NAPA: variants seen among roughly 807,000 people sequenced by gnomAD.
NAPA encodes the protein NSF attachment protein alpha, also known as alpha-soluble NSF attachment protein.
Under a neutral mutation model 48.0 loss-of-function variants are expected in NAPA, and 18 were observed. The observed-to-expected ratio is 0.38, with a 90% CI of 0.26 to 0.56. NAPA has a LOEUF of 0.56. Ranked by LOEUF, NAPA falls within the 20% of genes least tolerant of loss-of-function variation. The pLI is 0.77. For synonymous variants in NAPA, 152 were observed against 149.9 expected (o/e 1.01, Z -0.10); for missense variants, 315 against 385.0 (o/e 0.82, Z 1.52).
intron 2 of NAPA, 115 bp from the exon 3 acceptor site, chr19:47,500,864 C>G (rs1350504989): frequency 5.4e-6 from 4 of 734,908 alleles, no homozygotes; most frequent in Non-Finnish European, 4.3e-6. Context: ...AAAGAGTCCC[C>G]AAGACAGGAC....
rs775031105 is a variant in NAPA, at chr19:47,503,409, C to T, written c.178+14G>A. The T allele has an allele frequency of 1.6e-5, 25 of 1,609,776 alleles. No individual in the cohort carries two copies. Among genetic ancestry groups the T allele is most frequent in the Non-Finnish European group, 1.7e-5 (20 of 1,176,104 alleles). Reference sequence around the variant, plus strand: ...GGAGAGCACCTTGGAGGAGCTCTAGCGGAGATGACATACCACTCCAGTTTT... The same window carrying T: ...GGAGAGCACCTTGGAGGAGCTCTAGTGGAGATGACATACCACTCCAGTTTT... On this transcript the variant is annotated intron_variant, in intron 2 of 10. Coordinates refer to ENST00000263354, the MANE Select transcript of NAPA (RefSeq NM_003827.4).
At chr19:47,495,648 C>T in intron 3 of NAPA, 52 bp from the exon 4 acceptor site, 1 of 1,590,950 alleles carries the variant, frequency 6.3e-7, no homozygotes. Context: ...GTCGTTTCAG[C>T]AGAAGCTGAG....
intron 9 of NAPA, 113 bp downstream of exon 9, chr19:47,490,675 C>CAAAAA: frequency 1.1e-6 from 1 of 890,938 alleles, no homozygotes; most frequent in South Asian, 1.7e-5. Context: ...CAAAACAAAA[C>CAAAAA]AAAGACACCC....
chr19:47,500,813 G>A, intron 2 of NAPA, 64 bp from the exon 3 acceptor site: 1 of 1,292,232 alleles, frequency 7.7e-7, no homozygotes, highest in Non-Finnish European at 1.1e-6. Context: ...AAGCCACAGA[G>A]ACACTGCCCT....
chr19:47,510,218 T>C (rs1217366480), intron 1 of NAPA, among the ~76,000 whole-genome samples: 1 of 152,194 alleles, frequency 6.6e-6, no homozygotes, highest in Non-Finnish European at 1.5e-5. Flanking sequence ...TGGAAGCTCG[T>C]GCCCACACCA....
chr19:47,487,323 G>A (rs1166616152), downstream of NAPA, among the ~76,000 whole-genome samples: 3 of 152,174 alleles, frequency 2.0e-5, no homozygotes, highest in South Asian at 4.1e-4. Flanking sequence ...CGTCACATTC[G>A]ACCCTCCCAC....
intron 1 of NAPA, among the ~76,000 whole-genome samples, chr19:47,514,117 G>C (rs1332977031): frequency 6.6e-6 from 1 of 151,880 alleles, no homozygotes; most frequent in Non-Finnish European, 1.5e-5. Flanking sequence ...CCAAAGTGCT[G>C]AGACCTCCAC....
chr19:47,513,404 G>A (rs1968841889), intron 1 of NAPA, among the ~76,000 whole-genome samples: 1 of 152,118 alleles, frequency 6.6e-6, no homozygotes, highest in African/African-American at 2.4e-5. Context: ...GTAACTCCAC[G>A]CCAGGCTCAA....
At chr19:47,499,552 T>G (rs1458614256) in intron 3 of NAPA, among the ~76,000 whole-genome samples, 1 of 152,228 alleles carries the variant, frequency 6.6e-6, no homozygotes, top group Admixed American at 6.5e-5. Context: ...GTTACAAGGC[T>G]GCTCCTCGGC....
rs747574639 is a variant in NAPA at position 47,489,803 on chromosome 19, C to G, written c.736-42G>C. On this transcript the variant is annotated intron_variant, in intron 9 of 10. Transcript: ENST00000263354. ...GAGAGGGGTCAGGGGCCTATGCTGA[C>G]CTGAGGTCTGGCCTGGATTAGATGA... The G allele has an allele frequency of 3.7e-6, 6 of 1,610,456 alleles. No individual in the cohort carries two copies. The South Asian group carries it at 6.6e-5, about 18-fold the overall frequency.
In NAPA at chr19:47,492,952, T is replaced by C. The variant is rs778840659; in HGVS notation, c.561+9A>G. On this transcript the variant is annotated intron_variant, in intron 7 of 10. Transcript: ENST00000263354. ...CAGGGTGGAAGCCGCCATCCCCACC[T>C]GTCCCCACCTGTTCGTAGATGTCAA... The C allele has an allele frequency of 3.1e-6, 5 of 1,613,838 alleles. No individual in the cohort carries two copies. The highest frequency in any genetic ancestry group is 4.2e-6 in the Non-Finnish European group (5 of 1,179,878).
At position 47,493,176 on chromosome 19, in the gene NAPA, TG is replaced by T; in HGVS notation, c.421-3del. The stretch of plus-strand genomic sequence containing the variant: ...AGACTGCTCGTAGTGGGCAATGGCC[TG>T]GGGAGACACGGGGGATGGGTTCCAG... On this transcript the variant is annotated splice_polypyrimidine_tract_variant and splice_region_variant and intron_variant, in intron 5 of 10. Coordinates refer to ENST00000263354, the MANE Select transcript of NAPA (RefSeq NM_003827.4). The surrounding 1 kb of genome is among the most constrained non-coding windows in gnomAD (Gnocchi z 6.4). 1.3e-6 allele frequency: 2 copies of T among 1,585,544 alleles called. No individual in the cohort carries two copies. The highest frequency in any genetic ancestry group is 1.7e-6 in the Non-Finnish European group (2 of 1,163,270).
In NAPA at chr19:47,490,589, G is replaced by A. The variant is rs1174887067; in HGVS notation, c.735+199C>T. 3.3e-5 allele frequency among the ~76,000 whole-genome samples: 5 copies of A among 151,888 alleles called. No homozygotes were observed. The East Asian group carries it at 9.6e-4, about 29-fold the overall frequency. ...GTGTGTGTCCACCTAGCCATCCTGAGCTCCAGCACTCCCCGAGTTGTACTT... is the reference window on the plus strand; with the variant it reads ...GTGTGTGTCCACCTAGCCATCCTGAACTCCAGCACTCCCCGAGTTGTACTT... On this transcript the variant is annotated intron_variant, in intron 9 of 10. Transcript: ENST00000263354.
At position 47,493,385 on chromosome 19, in the gene NAPA, C is replaced by T. The variant is rs200965224; in HGVS notation, c.420+31G>A. The T allele has an allele frequency of 1.2e-4, 187 of 1,609,856 alleles. No individual in the cohort carries two copies. In the African/African-American group the frequency reaches 2.3e-3, roughly 20 times the overall value. On this transcript the variant is annotated intron_variant, in intron 5 of 10. Coordinates refer to ENST00000263354, the MANE Select transcript of NAPA (RefSeq NM_003827.4). The surrounding 1 kb of genome is among the most constrained non-coding windows in gnomAD (Gnocchi z 6.4). Reference sequence around the variant, plus strand: ...GAGAGAGCAGCACTGGTCCTGGCTGCCAGCCCATGCAGGGCCCTGCTGCCA... The same window carrying T: ...GAGAGAGCAGCACTGGTCCTGGCTGTCAGCCCATGCAGGGCCCTGCTGCCA...
At chr19:47,510,431 A>C (rs1220245284) in intron 1 of NAPA, among the ~76,000 whole-genome samples, 1 of 152,208 alleles carries the variant, frequency 6.6e-6, no homozygotes, top group African/African-American at 2.4e-5. Context: ...ACCTACTAAT[A>C]AAGATGACAG....
At chr19:47,490,160 TGTGG>T in intron 9 of NAPA, among the ~76,000 whole-genome samples, 1 of 148,056 alleles carries the variant, frequency 6.8e-6, no homozygotes, top group East Asian at 2.0e-4. Context: ...TCGGTGTGTG[TGTGG>T]GGTGTGTGTG....
Position 47,489,758 on chromosome 19 carries a change from A to G in NAPA, c.739T>C (p.Leu247=), listed in dbSNP as rs777775272. Residue 247 remains leucine, a synonymous_variant, in exon 10 of 11, where the codon TTG becomes CTG. Coordinates refer to ENST00000263354, the MANE Select transcript of NAPA (RefSeq NM_003827.4). ...TTCTGCTCCTCGTGGGCCTCTAGCA[A>G]TTTCTGCAAGCAAATGGCAGAGAGG... ...DSRECKLMKK[L]LEAHEEQNVD... is the part of the protein sequence containing the mutation. 6 of 1,614,002 alleles carry G rather than the reference A, an allele frequency of 3.7e-6. No individual in the cohort carries two copies. The highest frequency in any genetic ancestry group is 1.7e-5 in the Admixed American group (1 of 60,010).
intron 2 of NAPA, 46 bp from the exon 3 acceptor site, chr19:47,500,795 A>G (rs1968558307): frequency 2.1e-6 from 3 of 1,442,998 alleles, no homozygotes; most frequent in South Asian, 2.6e-5. Flanking sequence ...GGGGCTCCAC[A>G]CTTTATGAAG....
rs1968694433 is a variant in NAPA, at chr19:47,506,414, G to T, written c.99-2912C>A. On this transcript the variant is annotated intron_variant, in intron 1 of 10. Coordinates refer to ENST00000263354, the MANE Select transcript of NAPA (RefSeq NM_003827.4). The surrounding 1 kb of genome is among the most constrained non-coding windows in gnomAD (Gnocchi z 4.0). ...GCCTGGCTGCAAAAAACCCTCAGAA[G>T]GACCTTCTCTGGAATGTTCTCTTAA... Among the ~76,000 whole-genome samples, 1 of 152,076 alleles carries T rather than the reference G, an allele frequency of 6.6e-6. No individual in the cohort carries two copies. Among genetic ancestry groups the T allele is most frequent in the Non-Finnish European group, 1.5e-5 (1 of 68,018 alleles).
Sources: gnomAD v4.1 joint callset for allele counts (sites outside exome capture counted in the v4.1 genomes callset) on GRCh38, gnomAD v4.1.1 for gene constraint, Gnocchi (gnomAD v3.1) non-coding constraint, MANE v1.5 for transcripts, NCBI Gene and HGNC (gene_info 2026-07-23, HGNC 2026-07-21) for gene names.